Variants in ZNF148 observed in about 807,000 individuals in gnomAD.
ZNF148 encodes the protein Beta-Enolase Repressor Factor-1.
A neutral mutation model predicts 67.7 loss-of-function variants in ZNF148; 7 were observed. The ratio of observed to expected loss-of-function variants is 0.10; its 90% CI spans 0.06 to 0.19. ZNF148 has a LOEUF of 0.19. Among genes scored for constraint, ZNF148 ranks in the 10% least tolerant of loss-of-function variants. The probability of loss-of-function intolerance (pLI) is 1.00; values close to 1 mark genes in which losing one functional copy is unlikely to be tolerated. For synonymous variants in ZNF148, 333 were observed against 330.7 expected, an observed-to-expected ratio of 1.01 and a Z score of -0.08; for missense variants, 583 against 947.1, an observed-to-expected ratio of 0.62 and a Z score of 5.05.
At chr3:125,298,618 ATTTTTTTT>A (rs11312460) in intron 4 of ZNF148, among the ~76,000 whole-genome samples, 1 of 102,656 alleles carries the variant, frequency 9.7e-6, no homozygotes. Context: ...TTTATATTAA[ATTTTTTTT>A]TTTTTTTTTT....
chr3:125,334,878 T>C (rs1235274718), intron 1 of ZNF148, among the ~76,000 whole-genome samples: 2 of 152,166 alleles, frequency 1.3e-5, no homozygotes, highest in African/African-American at 4.8e-5. Context: ...AGCAGTGACC[T>C]GACCTCCTTA....
intron 5 of ZNF148, among the ~76,000 whole-genome samples, chr3:125,280,003 A>G (rs1328973202): frequency 1.3e-5 from 2 of 152,174 alleles, no homozygotes; most frequent in Non-Finnish European, 2.9e-5. Context: ...ACTAAAAAAA[A>G]AAGAGAACAC....
chr3:125,321,027 T>A (rs890555681), intron 3 of ZNF148, among the ~76,000 whole-genome samples: 1 of 152,206 alleles, frequency 6.6e-6, no homozygotes, highest in Non-Finnish European at 1.5e-5. Context: ...AAGTTTTGTA[T>A]TTGCTTTCAT....
chr3:125,317,662 T>TATATATAGAGAGAGAG lies in ZNF148; in HGVS notation c.-16-4007_-16-4006insCTCTCTCTCTATATAT, dbSNP rs752542874. Among the ~76,000 whole-genome samples, 311 of 90,034 alleles carry TATATATAGAGAGAGAG rather than the reference T, an allele frequency of 3.5e-3. 1 individual carries two copies. Among genetic ancestry groups the TATATATAGAGAGAGAG allele is most frequent in the East Asian group, 0.015 (62 of 4,064 alleles). 59.1% of individuals were successfully genotyped at this position (90,034 alleles called of 152,430 possible). On this transcript the variant is annotated intron_variant, in intron 3 of 8. Transcript: ENST00000360647. ...GATCTTTTATATATATATATATATATAGAGAGAGAGAGAGAGAAATACATA... is the reference window on the plus strand; with the variant it reads ...GATCTTTTATATATATATATATATATATATATAGAGAGAGAGAGAGAGAGAGAGAGAGAAATACATA...
In ZNF148 at chr3:125,290,140, C is replaced by CA. The variant is rs751020896; in HGVS notation, c.334-1913dup. Among the ~76,000 whole-genome samples, 11 of 152,296 alleles carry CA rather than the reference C, an allele frequency of 7.2e-5. No homozygotes were observed. The South Asian group carries it at 2.1e-3, about 29-fold the overall frequency. On this transcript the variant is annotated intron_variant, in intron 4 of 8. Coordinates refer to ENST00000360647, the MANE Select transcript of ZNF148 (RefSeq NM_021964.3). ...TAAAGCCCCTGCTCATCCACTGAGT[C>CA]AGTCTCCCTCTGGGCTTCCCACTTT... is the stretch of plus-strand genomic sequence containing the variant.
At chr3:125,322,285 C>CAGCCTGCT (rs1940816671) in intron 3 of ZNF148, among the ~76,000 whole-genome samples, 1 of 151,938 alleles carries the variant, frequency 6.6e-6, no homozygotes, top group Admixed American at 6.6e-5. Flanking sequence ...CTCAGCCTGC[C>CAGCCTGCT]AGCCTGCTGG....
chr3:125,326,463 C>T (rs1365049192), intron 2 of ZNF148, among the ~76,000 whole-genome samples: 2 of 151,264 alleles, frequency 1.3e-5, no homozygotes, highest in Admixed American at 1.3e-4. Flanking sequence ...TGACAGCAAC[C>T]ACAAAGAAAA....
intron 5 of ZNF148, among the ~76,000 whole-genome samples, chr3:125,284,993 A>G (rs1190068699): frequency 6.6e-6 from 1 of 151,992 alleles, no homozygotes; most frequent in East Asian, 1.9e-4. Flanking sequence ...CATGGCAGCT[A>G]AAGATGGAAT....
chr3:125,312,727 T>C (rs1460169666), intron 4 of ZNF148, among the ~76,000 whole-genome samples: 6 of 152,170 alleles, frequency 3.9e-5, no homozygotes, highest in African/African-American at 1.4e-4. Context: ...ATTTACATGA[T>C]GGTTGTGGTT....
chr3:125,266,525 C>T (rs1423870488), intron 7 of ZNF148, among the ~76,000 whole-genome samples: 2 of 152,130 alleles, frequency 1.3e-5, no homozygotes, highest in African/African-American at 2.4e-5. Flanking sequence ...TTGAAACAAA[C>T]GAAAACAGAG....
intron 7 of ZNF148, among the ~76,000 whole-genome samples, chr3:125,261,878 C>T (rs1937360169): frequency 1.4e-5 from 2 of 138,714 alleles, no homozygotes; most frequent in Non-Finnish European, 1.5e-5. Flanking sequence ...TAATATTAAG[C>T]TTTGTAGACC....
intron 1 of ZNF148, among the ~76,000 whole-genome samples, chr3:125,369,982 C>CA (rs113170107): frequency 0.067 from 8,617 of 129,304 alleles, 756 homozygotes; most frequent in African/African-American, 0.22. Context: ...GACCCCGTCT[C>CA]AAAAAAAAAA....
At chr3:125,315,918 T>C (rs1330672645) in intron 3 of ZNF148, among the ~76,000 whole-genome samples, 1 of 152,190 alleles carries the variant, frequency 6.6e-6, no homozygotes, top group African/African-American at 2.4e-5. Context: ...TTATTGACTA[T>C]AGTCATCCTA....
rs1937755816 is a variant in ZNF148 at position 125,271,838 on chromosome 3, A to G, written c.667+5888T>C. On this transcript the variant is annotated intron_variant, in intron 7 of 8. Coordinates refer to ENST00000360647, the MANE Select transcript of ZNF148 (RefSeq NM_021964.3). Reference sequence around the variant, plus strand: ...TACCTGCCTCCTTCTGGTTCTTTTAAGCCAGGATATATGACACACTGCTTG... The same window carrying G: ...TACCTGCCTCCTTCTGGTTCTTTTAGGCCAGGATATATGACACACTGCTTG... 2.0e-5 allele frequency among the ~76,000 whole-genome samples: 3 copies of G among 152,080 alleles called. No homozygotes were observed. In the South Asian group the frequency reaches 6.2e-4, roughly 32 times the overall value.
intron 2 of ZNF148, among the ~76,000 whole-genome samples, chr3:125,328,169 A>G (rs867657402): frequency 1.3e-5 from 2 of 152,182 alleles, no homozygotes; most frequent in South Asian, 2.1e-4. Context: ...AAGTCAAAGT[A>G]TAAGTTAGAG....
At chr3:125,272,618 T>C (rs952689226) in intron 7 of ZNF148, among the ~76,000 whole-genome samples, 1 of 66,802 alleles carries the variant, frequency 1.5e-5, no homozygotes, top group Non-Finnish European at 3.1e-5. Context: ...ATATATCAGG[T>C]TTTTATCAAT....
intron 1 of ZNF148, among the ~76,000 whole-genome samples, chr3:125,340,990 A>C (rs1442957122): frequency 6.9e-6 from 1 of 144,580 alleles, no homozygotes; most frequent in East Asian, 1.9e-4. Context: ...TCCGGCTCAA[A>C]AAAAAAAAAA....
intron 3 of ZNF148, among the ~76,000 whole-genome samples, chr3:125,317,248 C>G (rs954672766): frequency 6.6e-6 from 1 of 152,004 alleles, no homozygotes. Flanking sequence ...TACTAAGATA[C>G]CAAAACAGAC....
intron 7 of ZNF148, among the ~76,000 whole-genome samples, chr3:125,256,782 G>A (rs1302282730): frequency 6.6e-6 from 1 of 152,180 alleles, no homozygotes; most frequent in Non-Finnish European, 1.5e-5. Flanking sequence ...ACCCTTGAGA[G>A]AAGTGAGGAA....
Sources: allele counts gnomAD v4.1 joint callset (sites outside exome capture counted in the v4.1 genomes callset), GRCh38; gene constraint gnomAD v4.1.1; transcripts MANE v1.5; gene names NCBI Gene and HGNC (gene_info 2026-07-23, HGNC 2026-07-21).